The following ZBTB7C variants were observed in gnomAD, a reference collection of about 807,000 sequenced individuals.
ZBTB7C encodes zinc finger and BTB domain-containing protein 7C.
Under a neutral mutation model 25.7 loss-of-function variants are expected in ZBTB7C, and 8 were observed. The ratio of observed to expected loss-of-function variants is 0.31; its 90% confidence interval spans 0.18 to 0.56. The LOEUF (loss-of-function observed/expected upper bound fraction) is 0.56, where lower values mean the gene tolerates loss of function less well. Among genes scored for constraint, ZBTB7C ranks in the 20% least tolerant of loss-of-function variants. ZBTB7C has a pLI of 0.91. For missense variants in ZBTB7C, 824 were observed against 855.2 expected (o/e 0.96, Z 0.46); for synonymous variants, 394 against 369.0 (o/e 1.07, Z -0.78).
chr18:48,344,990 TC>T (rs2046694262), intron 1 of ZBTB7C, among the ~76,000 whole-genome samples: 1 of 152,232 alleles, frequency 6.6e-6, no homozygotes. Context: ...ATGGAGGTTT[TC>T]TGTATTTTAA....
At chr18:48,030,884 T>C (rs940287245) in intron 4 of ZBTB7C, among the ~76,000 whole-genome samples, 1 of 152,218 alleles carries the variant, frequency 6.6e-6, no homozygotes, top group Admixed American at 6.5e-5. Context: ...ACACTGAGCA[T>C]TGGGTAAACC....
At chr18:48,103,657 G>T (rs1210917777) in intron 3 of ZBTB7C, among the ~76,000 whole-genome samples, 4 of 152,204 alleles carry the variant, frequency 2.6e-5, no homozygotes, top group Non-Finnish European at 4.4e-5. Context: ...AGCATTATTT[G>T]TGAGAGCCCC....
In ZBTB7C at chr18:48,216,219, T is replaced by C. The variant is rs116924527; in HGVS notation, c.-78-30224A>G. The stretch of plus-strand genomic sequence containing the variant: ...CTACCACAGCAGGCAGCTGATTTCA[T>C]GGTGGGCAGCTTTTCTTGTTTTCAA... On this transcript the variant is annotated intron_variant, in intron 2 of 4. Coordinates refer to ENST00000590800, the MANE Select transcript of ZBTB7C (RefSeq NM_001318841.2). Among the ~76,000 whole-genome samples the C allele has an allele frequency of 3.9e-3, 595 of 152,350 alleles. 1 individual carries two copies. The highest frequency in any genetic ancestry group is 5.4e-3 in the Non-Finnish European group (365 of 68,022).
At chr18:48,273,285 T>C (rs1251289051) in intron 2 of ZBTB7C, among the ~76,000 whole-genome samples, 1 of 152,158 alleles carries the variant, frequency 6.6e-6, no homozygotes, top group Non-Finnish European at 1.5e-5. Flanking sequence ...TGGAGAGACT[T>C]GCTCTATTAC....
At chr18:48,333,272 C>T (rs1451160936) in intron 2 of ZBTB7C, among the ~76,000 whole-genome samples, 2 of 152,152 alleles carry the variant, frequency 1.3e-5, no homozygotes, top group Non-Finnish European at 2.9e-5. Context: ...AGAAGCTGTT[C>T]CCCCTGGGCT....
At chr18:48,057,086 G>T (rs998978696) in intron 3 of ZBTB7C, among the ~76,000 whole-genome samples, 9 of 143,290 alleles carry the variant, frequency 6.3e-5, no homozygotes, top group Non-Finnish European at 1.2e-4. Context: ...CCATGAACAG[G>T]AAGATCATAG....
At chr18:48,109,875 TC>T (rs777725481) in intron 3 of ZBTB7C, among the ~76,000 whole-genome samples, 2 of 152,054 alleles carry the variant, frequency 1.3e-5, no homozygotes, top group Admixed American at 6.5e-5. Context: ...GCAGCCACCC[TC>T]CCCCCAAACA....
At chr18:48,353,667 G>A (rs191769398) in intron 1 of ZBTB7C, among the ~76,000 whole-genome samples, 126 of 152,326 alleles carry the variant, frequency 8.3e-4, no homozygotes, top group African/African-American at 2.6e-3. Flanking sequence ...GGGCCTTTCT[G>A]GGGGTGGCGG....
At chr18:48,179,808 T>TTTCC (rs143452520) in intron 3 of ZBTB7C, among the ~76,000 whole-genome samples, 3 of 102,020 alleles carry the variant, frequency 2.9e-5, no homozygotes, top group South Asian at 6.6e-4. Context: ...TCCTTCCTTA[T>TTTCC]TTCCTTCCTT....
intron 1 of ZBTB7C, 107 bp downstream of exon 1, chr18:48,409,119 A>G (rs2048349325): frequency 1.3e-5 from 2 of 149,422 alleles, no homozygotes; most frequent in African/African-American, 2.5e-5. Context: ...AAGCAAAGCC[A>G]CCCGCCCGCC....
intron 3 of ZBTB7C, among the ~76,000 whole-genome samples, chr18:48,068,199 T>A (rs1443662398): frequency 1.4e-5 from 2 of 145,582 alleles, no homozygotes; most frequent in Admixed American, 7.0e-5. Context: ...AGTGCAGTGG[T>A]GCAACCTCGG....
At chr18:48,128,334 A>G (rs951216839) in intron 3 of ZBTB7C, among the ~76,000 whole-genome samples, 1 of 152,242 alleles carries the variant, frequency 6.6e-6, no homozygotes, top group East Asian at 1.9e-4. Context: ...CCTTCCCCAA[A>G]TAAACAACTG....
At chr18:48,212,045 C>T (rs2077313106) in intron 2 of ZBTB7C, among the ~76,000 whole-genome samples, 1 of 152,196 alleles carries the variant, frequency 6.6e-6, no homozygotes, top group South Asian at 2.1e-4. Context: ...AACATAAATG[C>T]ATATTACCAA....
At chr18:48,278,734 C>G (rs115777373) in intron 2 of ZBTB7C, among the ~76,000 whole-genome samples, 2,624 of 152,236 alleles carry the variant, frequency 0.017, 85 homozygotes, top group African/African-American at 0.06. Flanking sequence ...AGCCATCCTC[C>G]TCAAATTCTG....
intron 2 of ZBTB7C, among the ~76,000 whole-genome samples, chr18:48,254,580 T>G (rs981410615): frequency 6.6e-6 from 1 of 152,178 alleles, no homozygotes; most frequent in Non-Finnish European, 1.5e-5. Context: ...TTCCGCTCCT[T>G]ACCCCACTCC....
At chr18:48,094,884 C>T (rs1269418242) in intron 3 of ZBTB7C, among the ~76,000 whole-genome samples, 1 of 152,158 alleles carries the variant, frequency 6.6e-6, no homozygotes, top group Non-Finnish European at 1.5e-5. Context: ...CTGGATGCAG[C>T]TCTGGGGAAA....
At chr18:48,356,993 A>G (rs2046990304) in intron 1 of ZBTB7C, among the ~76,000 whole-genome samples, 3 of 152,190 alleles carry the variant, frequency 2.0e-5, no homozygotes, top group Admixed American at 2.0e-4. Context: ...AAGGGACTAG[A>G]GACAGGACCA....
intron 2 of ZBTB7C, among the ~76,000 whole-genome samples, chr18:48,210,507 C>T (rs1003813562): frequency 7.9e-5 from 12 of 152,194 alleles, no homozygotes; most frequent in African/African-American, 2.9e-4. Flanking sequence ...CTGATAAATG[C>T]TACAGCATGG....
chr18:48,045,990 A>C (rs1254692937), intron 3 of ZBTB7C, among the ~76,000 whole-genome samples: 1 of 152,192 alleles, frequency 6.6e-6, no homozygotes, highest in Non-Finnish European at 1.5e-5. Context: ...AGCCACCTTG[A>C]GAGTGGATCC....
Sources: gnomAD v4.1 joint callset for allele counts (sites outside exome capture counted in the v4.1 genomes callset) on GRCh38, gnomAD v4.1.1 for gene constraint, MANE v1.5 for transcripts, NCBI Gene and HGNC (gene_info 2026-07-23, HGNC 2026-07-21) for gene names.